The following DNAJC6 variants were observed in gnomAD, a reference collection of about 807,000 sequenced individuals.
The protein encoded by DNAJC6 is auxilin.
DNAJC6 carries 34 observed loss-of-function variants against 110.0 expected under a neutral mutation model. The observed-to-expected ratio is 0.31, with a 90% CI of 0.24 to 0.41. The LOEUF (loss-of-function observed/expected upper bound fraction) is 0.41, where lower values mean the gene tolerates loss of function less well. Ranked by LOEUF, DNAJC6 falls within the 10% of genes least tolerant of loss-of-function variation. The pLI is 1.00. For missense variants in DNAJC6, 1,031 were observed against 1,207.8 expected, an observed-to-expected ratio of 0.85 and a Z score of 2.17; for synonymous variants, 406 against 437.2, an observed-to-expected ratio of 0.93 and a Z score of 0.89.
At chr1:65,339,380 A>G (rs1457637406) in intron 1 of DNAJC6, among the ~76,000 whole-genome samples, 1 of 152,202 alleles carries the variant, frequency 6.6e-6, no homozygotes, top group Non-Finnish European at 1.5e-5. Context: ...ACTGTCCACA[A>G]TTAGCCTATT....
Position 65,393,830 on chromosome 1 carries a change from C to A in DNAJC6, c.1903+965C>A, listed in dbSNP as rs143304021. On this transcript the variant is annotated intron_variant, in intron 12 of 18. Transcript: ENST00000371069. The stretch of plus-strand genomic sequence containing the variant: ...TATAGGAACATTTTTTTTCCCCAAG[C>A]GTATCCTTCCCAGAAGGCTCTGGGC... 2.6e-4 allele frequency among the ~76,000 whole-genome samples: 40 copies of A among 152,146 alleles called. No homozygotes were observed. In the East Asian group the frequency reaches 7.5e-3, roughly 29 times the overall value.
rs1646064712 is a variant in DNAJC6 at position 65,405,328 on chromosome 1, A to AAAG, written c.2228-542_2228-541insAAG. Among the ~76,000 whole-genome samples, 5 of 152,360 alleles carry AAAG rather than the reference A, an allele frequency of 3.3e-5. No homozygotes were observed. The South Asian group carries it at 1.0e-3, about 32-fold the overall frequency. The stretch of plus-strand genomic sequence containing the variant: ...TAAAACCTACTTGTGAAATTTCAAA[A>AAAG]CATCTTTATTTACTCTTGGGCACTA... On this transcript the variant is annotated intron_variant, in intron 15 of 18. Transcript: ENST00000371069.
intron 11 of DNAJC6, among the ~76,000 whole-genome samples, chr1:65,392,150 T>G (rs1240145234): frequency 6.6e-6 from 1 of 152,156 alleles, no homozygotes; most frequent in Admixed American, 6.5e-5. Flanking sequence ...ACTTGCCCAG[T>G]GTCATAGAGC....
At position 65,388,372 on chromosome 1, in the gene DNAJC6, A is replaced by G. The variant is rs1220753123; in HGVS notation, c.1150A>G (p.Thr384Ala). The G allele has an allele frequency of 6.2e-7, 1 of 1,614,144 alleles. No homozygotes were observed. The highest frequency in any genetic ancestry group is 1.7e-4 in the Middle Eastern group (1 of 6,058). The change falls in exon 9 of 19, where the codon ACT becomes GCT. Residue 384 changes from threonine (T) to alanine (A), a missense_variant. Coordinates refer to ENST00000371069, the MANE Select transcript of DNAJC6 (RefSeq NM_001256864.2). ...ACAGATATTCCAGCTTCAGTTTCAC[A>G]CTGGATTCATACCACTGGACACAAC... is the stretch of plus-strand genomic sequence containing the variant. The part of the protein sequence containing the change: ...NTQIFQLQFH[T>A]GFIPLDTTVL...
In DNAJC6 at chr1:65,284,845, C is replaced by T. The variant is rs574739053; in HGVS notation, c.-131+19913C>T. Among the ~76,000 whole-genome samples, 32 of 152,140 alleles carry T rather than the reference C, an allele frequency of 2.1e-4. 1 individual carries two copies. The highest frequency in any genetic ancestry group is 7.7e-4 in the African/African-American group (32 of 41,522). On this transcript the variant is annotated intron_variant, in intron 1 of 19. Coordinates refer to the DNAJC6 transcript ENST00000263441. ...CTGGAATTACAGGCACCCACCACCA[C>T]GCCTGGCTCATTTTGTATTTTCAGT... is the stretch of plus-strand genomic sequence containing the variant.
intron 4 of DNAJC6, among the ~76,000 whole-genome samples, chr1:65,368,683 C>CT (rs1230944219): frequency 8.1e-6 from 1 of 123,548 alleles, no homozygotes; most frequent in Non-Finnish European, 1.6e-5. Context: ...CTCCCTTCCT[C>CT]CCTTCCTCCT....
At chr1:65,314,494 T>A (rs921073178) in intron 1 of DNAJC6, among the ~76,000 whole-genome samples, 59 of 152,310 alleles carry the variant, frequency 3.9e-4, no homozygotes, top group Non-Finnish European at 7.8e-4. Flanking sequence ...TTTTTTATTT[T>A]TTTTTTATTT....
intron 1 of DNAJC6, among the ~76,000 whole-genome samples, chr1:65,312,012 C>T (rs1276692438): frequency 1.3e-5 from 2 of 152,014 alleles, no homozygotes; most frequent in Non-Finnish European, 2.9e-5. Context: ...TGAGGATTGT[C>T]TTTTTCACTA....
chr1:65,351,769 A>T (rs929679289), intron 1 of DNAJC6, among the ~76,000 whole-genome samples: 6 of 152,010 alleles, frequency 3.9e-5, no homozygotes, highest in Non-Finnish European at 5.9e-5. Flanking sequence ...AGTTATATAT[A>T]TTTTTTTTTT....
intron 1 of DNAJC6, among the ~76,000 whole-genome samples, chr1:65,272,172 G>A (rs1056697909): frequency 6.6e-6 from 1 of 152,124 alleles, no homozygotes; most frequent in Non-Finnish European, 1.5e-5. Context: ...TCACCATTAA[G>A]TACAACATTT....
upstream of DNAJC6, among the ~76,000 whole-genome samples, chr1:65,309,016 A>G (rs1487587409): frequency 6.6e-6 from 1 of 152,180 alleles, no homozygotes; most frequent in African/African-American, 2.4e-5. Context: ...CTTAACATGC[A>G]TTCTTTTTCT....
At chr1:65,387,479 A>T (rs1645884117) in intron 8 of DNAJC6, among the ~76,000 whole-genome samples, 1 of 152,170 alleles carries the variant, frequency 6.6e-6, no homozygotes, top group Non-Finnish European at 1.5e-5. Context: ...ATCTCCTGGT[A>T]ACCACTGATC....
chr1:65,323,924 T>C (rs1352502416), intron 1 of DNAJC6, among the ~76,000 whole-genome samples: 1 of 152,128 alleles, frequency 6.6e-6, no homozygotes, highest in African/African-American at 2.4e-5. Flanking sequence ...GCCTTTCTTA[T>C]CAGATTGTTA....
At chr1:65,380,893 TTTTTTTTTTTGTTTTTTGTTTTGTTTTG>T (rs1395831802) in intron 5 of DNAJC6, among the ~76,000 whole-genome samples, 4 of 135,550 alleles carry the variant, frequency 3.0e-5, no homozygotes, top group African/African-American at 1.3e-4. Flanking sequence ...GGAGGGAGTT[TTTTTTTTTTTGTTTTTTGTTTTGTTTTG>T]TTTTTTTTTT....
In DNAJC6 at chr1:65,344,365, G is replaced by A. The variant is rs76307789; in HGVS notation, c.194-20270G>A. Among the ~76,000 whole-genome samples, 22 of 152,300 alleles carry A rather than the reference G, an allele frequency of 1.4e-4. No individual in the cohort carries two copies. The East Asian group carries it at 4.2e-3, about 29-fold the overall frequency. On this transcript the variant is annotated intron_variant, in intron 1 of 18. Transcript: ENST00000371069. ...TTATTGCAAAACTGAGGTTCAGAGAGGTTGCATCACACCCTTGAGCATGAA... is the reference window on the plus strand; with the variant it reads ...TTATTGCAAAACTGAGGTTCAGAGAAGTTGCATCACACCCTTGAGCATGAA...
chr1:65,377,715 G>A (rs746696164), intron 4 of DNAJC6, among the ~76,000 whole-genome samples: 17 of 152,094 alleles, frequency 1.1e-4, no homozygotes, highest in Non-Finnish European at 1.9e-4. Context: ...GCTTTTAGAC[G>A]TCAGCTCTAC....
intron 4 of DNAJC6, among the ~76,000 whole-genome samples, chr1:65,372,497 G>A (rs1645716767): frequency 6.6e-6 from 1 of 152,122 alleles, no homozygotes; most frequent in African/African-American, 2.4e-5. Flanking sequence ...GGAGCTTGGT[G>A]TCTACAAGGG....
intron 4 of DNAJC6, among the ~76,000 whole-genome samples, chr1:65,374,766 C>G (rs10889545): frequency 0.25 from 38,083 of 151,790 alleles, 8,294 homozygotes; most frequent in East Asian, 0.61. Context: ...TTTAGATGTC[C>G]TTTATTTCTT....
intron 4 of DNAJC6, among the ~76,000 whole-genome samples, chr1:65,377,670 C>T (rs1645778971): frequency 6.6e-6 from 1 of 152,172 alleles, no homozygotes; most frequent in Non-Finnish European, 1.5e-5. Context: ...AATGGGCTTT[C>T]TTGGCAGCCC....
Sources: gnomAD v4.1 joint callset for allele counts (sites outside exome capture counted in the v4.1 genomes callset) on GRCh38, gnomAD v4.1.1 for gene constraint, MANE v1.5 for transcripts, NCBI Gene and HGNC (gene_info 2026-07-23, HGNC 2026-07-21) for gene names.